The following CEP43 variants were observed in gnomAD, a reference collection of about 807,000 sequenced individuals.
CEP43 encodes the protein FGFR1 oncogene partner.
CEP43 carries 36 observed loss-of-function variants against 52.6 expected under a neutral mutation model. The ratio of observed to expected loss-of-function variants is 0.68; its 90% confidence interval spans 0.52 to 0.90. The LOEUF (loss-of-function observed/expected upper bound fraction) is 0.90, where lower values mean the gene tolerates loss of function less well. Among genes scored for constraint, CEP43 ranks in the 40% least tolerant of loss-of-function variants. CEP43 has a pLI of 0.00. For missense variants in CEP43, 506 were observed against 472.8 expected (o/e 1.07, Z -0.65); for synonymous variants, 192 against 172.4 (o/e 1.11, Z -0.89).
chr6:167,017,198 TGTTA>T (rs1358266722), intron 7 of CEP43, among the ~76,000 whole-genome samples: 1 of 151,954 alleles, frequency 6.6e-6, no homozygotes, highest in Non-Finnish European at 1.5e-5. Context: ...GGTTTCACTG[TGTTA>T]GCTAGGATGG....
rs892764851 is a variant in CEP43 at position 167,049,757 on chromosome 6, C to G, written c.*9779C>G. On this transcript the variant is annotated 3_prime_UTR_variant, in exon 13 of 13. Transcript: ENST00000366847. ...GTGGAGCCTCTGAGTAATATAATAA[C>G]TCTATGTTTGGTGTTTTGAAGAATT... The G allele has an allele frequency of 6.6e-6, 1 of 152,140 alleles. No homozygotes were observed. Among genetic ancestry groups the G allele is most frequent in the Non-Finnish European group, 1.5e-5 (1 of 68,030 alleles). 9.4% of individuals were successfully genotyped at this position (152,140 alleles called of 1,614,324 possible).
intron 2 of CEP43, among the ~76,000 whole-genome samples, chr6:167,000,460 G>C (rs894590915): frequency 7.2e-5 from 11 of 152,154 alleles, no homozygotes; most frequent in Non-Finnish European, 1.6e-4. Flanking sequence ...ATGAAACGGG[G>C]TATATAGTAT....
Position 167,022,414 on chromosome 6 carries a change from C to A in CEP43, c.585C>A (p.Ala195=). The A allele has an allele frequency of 6.2e-7, 1 of 1,612,058 alleles. No homozygotes were observed. Among genetic ancestry groups the A allele is most frequent in the Non-Finnish European group, 8.5e-7 (1 of 1,178,514 alleles). The part of the protein sequence containing the change: ...TSGQKAGDKK[A]NDEANQSDTS... ...CTCTTTCCCTCTCTTTCTAGAAGGC[C>A]AATGATGAGGCCAATCAGAGTGATA... Residue 195 remains alanine, a synonymous_variant, in exon 8 of 13, where the codon GCC becomes GCA. Transcript: ENST00000366847.
intron 1 of CEP43, chr6:166,999,824 C>G: frequency 1.8e-6 from 1 of 558,960 alleles, no homozygotes; most frequent in Non-Finnish European, 3.1e-6. Context: ...TGGAGTGCGG[C>G]CCCAGCGTCT....
At chr6:167,016,512 T>G (rs552737411) in intron 7 of CEP43, among the ~76,000 whole-genome samples, 1 of 152,368 alleles carries the variant, frequency 6.6e-6, no homozygotes, top group Non-Finnish European at 1.5e-5. Context: ...TCCTCCTGCC[T>G]CGGCCTCCCA....
chr6:167,028,157 T>G, intron 10 of CEP43: 1 of 985,340 alleles, frequency 1.0e-6, no homozygotes, highest in East Asian at 1.1e-4. Context: ...GTGTTCTGTT[T>G]TTTTCACTTT....
intron 12 of CEP43, chr6:167,036,249 G>A: frequency 1.0e-6 from 1 of 985,432 alleles, no homozygotes; most frequent in Non-Finnish European, 1.2e-6. Flanking sequence ...GGGCTGAGGA[G>A]GAACATGGTA....
At chr6:167,038,789 T>A (rs929172847) in intron 12 of CEP43, among the ~76,000 whole-genome samples, 4 of 152,224 alleles carry the variant, frequency 2.6e-5, no homozygotes, top group Non-Finnish European at 5.9e-5. Flanking sequence ...ACAGTTTTTT[T>A]AATTTTTAGT....
rs1582966526 is a variant in CEP43, at chr6:167,048,386, T to G, written c.*8408T>G. Reference sequence around the variant, plus strand: ...TCTACAAAAAAATGCAAAGATTAGCTAGGCATGATGGCACATGCCTGTGGT... The same window carrying G: ...TCTACAAAAAAATGCAAAGATTAGCGAGGCATGATGGCACATGCCTGTGGT... On this transcript the variant is annotated 3_prime_UTR_variant, in exon 13 of 13. Coordinates refer to ENST00000366847, the MANE Select transcript of CEP43 (RefSeq NM_007045.4). The G allele has an allele frequency of 6.6e-6, 1 of 152,150 alleles. No individual in the cohort carries two copies. Among genetic ancestry groups the G allele is most frequent in the East Asian group, 1.9e-4 (1 of 5,188 alleles). The allele number at this position is 152,150 out of a possible 1,614,324, so 9.4% of individuals were successfully genotyped here.
At chr6:167,032,554 A>G (rs771164858) in intron 10 of CEP43, 49 bp from the exon 11 acceptor site, 3 of 1,484,438 alleles carry the variant, frequency 2.0e-6, no homozygotes, top group South Asian at 1.4e-5. Context: ...AATGGTAGGT[A>G]AATTGTGACG....
intron 12 of CEP43, among the ~76,000 whole-genome samples, chr6:167,037,157 G>A (rs985890190): frequency 6.6e-6 from 1 of 152,128 alleles, no homozygotes; most frequent in Admixed American, 6.6e-5. Flanking sequence ...TGTTCATTCA[G>A]TTTTCTTTCT....
chr6:167,021,245 A>T (rs1274602969), intron 7 of CEP43, among the ~76,000 whole-genome samples: 3 of 152,196 alleles, frequency 2.0e-5, no homozygotes, highest in African/African-American at 7.2e-5. Context: ...CATAAAGCCC[A>T]CAAATTCATT....
At chr6:167,003,639 T>G in intron 3 of CEP43, 84 bp from the exon 4 acceptor site, 1 of 763,178 alleles carries the variant, frequency 1.3e-6, no homozygotes, top group Non-Finnish European at 2.2e-6. Context: ...CTTCCATTAA[T>G]TTAGTGTATC....
At chr6:167,004,862 T>G (rs1020983631) in intron 5 of CEP43, among the ~76,000 whole-genome samples, 1 of 152,244 alleles carries the variant, frequency 6.6e-6, no homozygotes, top group East Asian at 1.9e-4. Flanking sequence ...TTTTTGGACT[T>G]AAAGGCCTCT....
chr6:167,017,186 G>A (rs929673120), intron 7 of CEP43, among the ~76,000 whole-genome samples: 3 of 151,732 alleles, frequency 2.0e-5, no homozygotes, highest in African/African-American at 4.8e-5. Flanking sequence ...TAGTAGAGAC[G>A]GGGTTTCACT....
chr6:167,031,610 C>T (rs773061536), intron 10 of CEP43, among the ~76,000 whole-genome samples: 2 of 152,314 alleles, frequency 1.3e-5, no homozygotes, highest in Admixed American at 6.5e-5. Flanking sequence ...GAGGGAAGAT[C>T]GAGGACAAGG....
intron 9 of CEP43, chr6:167,025,213 A>G (rs536264891): frequency 1.1e-5 from 2 of 174,164 alleles, no homozygotes; most frequent in African/African-American, 4.7e-5. Flanking sequence ...GGACATTTAC[A>G]ATGACTTGAG....
chr6:167,001,733 G>A (rs181821070), intron 2 of CEP43, among the ~76,000 whole-genome samples: 1 of 152,270 alleles, frequency 6.6e-6, no homozygotes, highest in Non-Finnish European at 1.5e-5. Flanking sequence ...TCTGTCAGGT[G>A]TGTATCTGAA....
At chr6:167,035,726 C>A (rs1399283379) in intron 12 of CEP43, among the ~76,000 whole-genome samples, 1 of 152,056 alleles carries the variant, frequency 6.6e-6, no homozygotes, top group African/African-American at 2.4e-5. Context: ...GCCACCACGC[C>A]CAGCTGATTT....
Sources: gnomAD v4.1 joint callset for allele counts (sites outside exome capture counted in the v4.1 genomes callset) on GRCh38, gnomAD v4.1.1 for gene constraint, MANE v1.5 for transcripts, NCBI Gene and HGNC (gene_info 2026-07-23, HGNC 2026-07-21) for gene names.